RSU1: variants seen among roughly 807,000 people sequenced by gnomAD.
The protein encoded by RSU1 is Ras suppressor protein 1, also known as rsu-1.
Under a neutral mutation model 31.1 loss-of-function variants are expected in RSU1, and 26 were observed. The observed-to-expected ratio is 0.84, with a 90% CI of 0.61 to 1.16. The LOEUF is 1.16. Among genes scored for constraint, RSU1 ranks in the 50% most tolerant of loss-of-function variants. The pLI is 0.00. For missense variants in RSU1, 320 were observed against 339.1 expected, an observed-to-expected ratio of 0.94 and a Z score of 0.44; for synonymous variants, 164 against 136.3, an observed-to-expected ratio of 1.20 and a Z score of -1.41.
At chr10:16,663,507 A>T (rs1834925875) in intron 8 of RSU1, among the ~76,000 whole-genome samples, 1 of 152,124 alleles carries the variant, frequency 6.6e-6, no homozygotes, top group Non-Finnish European at 1.5e-5. Flanking sequence ...TTCTTCAATT[A>T]AGCTTGAAAA....
chr10:16,702,951 G>A (rs1835823852), intron 7 of RSU1, among the ~76,000 whole-genome samples: 1 of 152,206 alleles, frequency 6.6e-6, no homozygotes, highest in South Asian at 2.1e-4. Context: ...TGAGGTGGCA[G>A]GATCATAAGA....
At chr10:16,801,187 G>T (rs1450243509) in intron 2 of RSU1, among the ~76,000 whole-genome samples, 1 of 151,550 alleles carries the variant, frequency 6.6e-6, no homozygotes, top group African/African-American at 2.4e-5. Context: ...AAAGTAACGG[G>T]ATGGAGAAAG....
chr10:16,709,489 A>C (rs1835973953), intron 7 of RSU1, among the ~76,000 whole-genome samples: 2 of 152,206 alleles, frequency 1.3e-5, no homozygotes, highest in African/African-American at 4.8e-5. Context: ...AGCATGATTT[A>C]TAGTCCTTTG....
intron 8 of RSU1, among the ~76,000 whole-genome samples, chr10:16,646,477 A>G (rs925311902): frequency 2.0e-5 from 3 of 152,070 alleles, no homozygotes; most frequent in African/African-American, 7.2e-5. Flanking sequence ...TGCCCCGATC[A>G]AGTCCCTTCT....
intron 8 of RSU1, among the ~76,000 whole-genome samples, chr10:16,606,555 C>T (rs1359525148): frequency 6.6e-6 from 1 of 152,142 alleles, no homozygotes; most frequent in Non-Finnish European, 1.5e-5. Flanking sequence ...AGATGAGGGT[C>T]GTTCATGACC....
chr10:16,643,071 G>A (rs1361910157), intron 8 of RSU1, among the ~76,000 whole-genome samples: 2 of 152,260 alleles, frequency 1.3e-5, no homozygotes, highest in South Asian at 2.1e-4. Flanking sequence ...AAAACAGCAC[G>A]GCTATGTAGA....
intron 3 of RSU1, among the ~76,000 whole-genome samples, chr10:16,775,161 T>C (rs759729893): frequency 6.6e-6 from 1 of 152,200 alleles, no homozygotes; most frequent in Non-Finnish European, 1.5e-5. Flanking sequence ...TACACACACA[T>C]CAAGTGATAT....
At chr10:16,602,121 C>G (rs1165207195) in intron 8 of RSU1, among the ~76,000 whole-genome samples, 2 of 152,328 alleles carry the variant, frequency 1.3e-5, no homozygotes, top group East Asian at 1.9e-4. Context: ...CAACTGAGAT[C>G]TCCTCTGTCC....
chr10:16,689,365 T>C (rs1462704571), intron 8 of RSU1, among the ~76,000 whole-genome samples: 1 of 152,230 alleles, frequency 6.6e-6, no homozygotes, highest in African/African-American at 2.4e-5. Flanking sequence ...TGAAATGCCC[T>C]AGCCTTGTGG....
At chr10:16,721,219 C>T (rs913635120) in intron 7 of RSU1, 3 of 152,118 alleles carry the variant, frequency 2.0e-5, no homozygotes, top group African/African-American at 7.2e-5. Context: ...TGAAGAGGCT[C>T]GGAATGACTT....
chr10:16,759,930 T>C (rs943425818), intron 4 of RSU1, among the ~76,000 whole-genome samples: 1 of 152,184 alleles, frequency 6.6e-6, no homozygotes, highest in Non-Finnish European at 1.5e-5. Context: ...CTCCTGTGTG[T>C]ATGCTTTTCA....
In RSU1 at chr10:16,764,517, A is replaced by C. The variant is rs114861526; in HGVS notation, c.161-7T>G. 3,658 of 1,611,064 alleles carry C rather than the reference A, an allele frequency of 2.3e-3. 62 individuals are homozygous for C. In the African/African-American group the frequency reaches 0.041, roughly 18 times the overall value. ...GCGATGTTCGGTGGCACCACTATGG[A>C]AACAAAAATGCTGAGTGTGAATCTG... On this transcript the variant is annotated splice_polypyrimidine_tract_variant and splice_region_variant and intron_variant, in intron 3 of 8. Transcript: ENST00000345264.
At chr10:16,706,798 A>C (rs570519836) in intron 7 of RSU1, among the ~76,000 whole-genome samples, 2 of 152,078 alleles carry the variant, frequency 1.3e-5, no homozygotes, top group African/African-American at 2.4e-5. Context: ...CAGTCAGTCT[A>C]CTGTGTAACA....
At chr10:16,767,909 G>T (rs117348041) in intron 3 of RSU1, among the ~76,000 whole-genome samples, 747 of 152,280 alleles carry the variant, frequency 4.9e-3, no homozygotes, top group Admixed American at 7.8e-3. Context: ...AATATGAATT[G>T]TGCTATGACT....
chr10:16,645,887 CATATATGTATATACACATATATGT>C lies in RSU1; in HGVS notation c.731+49112_731+49135del. On this transcript the variant is annotated intron_variant, in intron 8 of 8. Transcript: ENST00000345264. ...GTATATATACATATATGTGTATATA[CATATATGTATATACACATATATGT>C]ATATATATGTGTATATACACATATG... Among the ~76,000 whole-genome samples, 2 of 95,558 alleles carry C rather than the reference CATATATGTATATACACATATATGT, an allele frequency of 2.1e-5. 1 individual carries two copies. The highest frequency in any genetic ancestry group is 7.0e-4 in the South Asian group (2 of 2,862). The allele number at this position is 95,558 out of a possible 152,430, so 62.7% of individuals were successfully genotyped here.
At chr10:16,711,752 C>G (rs1477892456) in intron 7 of RSU1, among the ~76,000 whole-genome samples, 1 of 152,192 alleles carries the variant, frequency 6.6e-6, no homozygotes, top group Non-Finnish European at 1.5e-5. Flanking sequence ...AGAAAAGATA[C>G]TTGATAGGAT....
chr10:16,805,884 T>G (rs1331891637), intron 2 of RSU1, among the ~76,000 whole-genome samples: 1 of 152,016 alleles, frequency 6.6e-6, no homozygotes, highest in African/African-American at 2.4e-5. Flanking sequence ...AGATGAGGAC[T>G]AGAAGGAGGA....
At chr10:16,679,751 T>G (rs1835293651) in intron 8 of RSU1, among the ~76,000 whole-genome samples, 1 of 151,388 alleles carries the variant, frequency 6.6e-6, no homozygotes, top group South Asian at 2.1e-4. Context: ...CCAGCTCAGC[T>G]CCCACGTGGC....
chr10:16,760,461 A>G (rs1837186111), intron 4 of RSU1, among the ~76,000 whole-genome samples: 1 of 151,550 alleles, frequency 6.6e-6, no homozygotes, highest in African/African-American at 2.4e-5. Flanking sequence ...GTGAGCCGAG[A>G]TCATGCCATT....
Sources: allele counts gnomAD v4.1 joint callset (sites outside exome capture counted in the v4.1 genomes callset), GRCh38; gene constraint gnomAD v4.1.1; transcripts MANE v1.5; gene names NCBI Gene and HGNC (gene_info 2026-07-23, HGNC 2026-07-21).